PKNOX2: variants seen among roughly 807,000 people sequenced by gnomAD.
The protein encoded by PKNOX2 is homeobox protein PKNOX2.
In PKNOX2, 14 loss-of-function variants were observed where a neutral mutation model predicts 53.1. That is an observed-to-expected ratio of 0.26 (90% CI 0.17 to 0.41). PKNOX2 has a LOEUF of 0.41. Ranked by LOEUF, PKNOX2 falls within the 10% of genes least tolerant of loss-of-function variation. PKNOX2 has a pLI of 1.00. For synonymous variants in PKNOX2, 257 were observed against 242.8 expected (o/e 1.06, Z -0.54); for missense variants, 496 against 602.8 (o/e 0.82, Z 1.85).
At chr11:125,314,218 G>A (rs1001924172) in intron 2 of PKNOX2, among the ~76,000 whole-genome samples, 2 of 152,082 alleles carry the variant, frequency 1.3e-5, no homozygotes, top group South Asian at 2.1e-4. Context: ...TCAGCTCGTC[G>A]TGAATCACCA....
chr11:125,416,397 G>A (rs985586815), intron 10 of PKNOX2, among the ~76,000 whole-genome samples: 26 of 145,454 alleles, frequency 1.8e-4, no homozygotes, highest in Admixed American at 1.6e-3. Flanking sequence ...TTTTTATTAT[G>A]TATTCCAATC....
At chr11:125,281,868 T>C (rs1946582331) in intron 2 of PKNOX2, among the ~76,000 whole-genome samples, 1 of 152,188 alleles carries the variant, frequency 6.6e-6, no homozygotes, top group Non-Finnish European at 1.5e-5. Flanking sequence ...TTAGATCAAC[T>C]CAGCCCTCTG....
chr11:125,311,004 G>A (rs1948768878), intron 2 of PKNOX2, among the ~76,000 whole-genome samples: 1 of 152,044 alleles, frequency 6.6e-6, no homozygotes, highest in Admixed American at 6.6e-5. Context: ...TAAGAGAACA[G>A]GGAGAGAATG....
intron 2 of PKNOX2, among the ~76,000 whole-genome samples, chr11:125,304,652 C>T (rs140104575): frequency 6.6e-6 from 1 of 152,332 alleles, no homozygotes; most frequent in African/African-American, 2.4e-5. Context: ...ACTTGAAAAG[C>T]CCATAAGCCC....
intron 2 of PKNOX2, among the ~76,000 whole-genome samples, chr11:125,302,246 G>A (rs1565491841): frequency 6.6e-6 from 1 of 152,210 alleles, no homozygotes; most frequent in Admixed American, 6.5e-5. Flanking sequence ...TAAATTGAAA[G>A]GCCACATTCA....
intron 2 of PKNOX2, among the ~76,000 whole-genome samples, chr11:125,294,806 T>C (rs1344436902): frequency 6.6e-6 from 1 of 152,186 alleles, no homozygotes; most frequent in Non-Finnish European, 1.5e-5. Flanking sequence ...TTACATGAGA[T>C]GAAAAACAGC....
rs562776910 is a variant in PKNOX2 at position 125,217,376 on chromosome 11, G to A, written c.-200-17669G>A. ...AACATGAGACAAGGAAAAGAACTCA[G>A]GCAGGAGCCCAGTGGGGCTGGGTTC... On this transcript the variant is annotated intron_variant, in intron 1 of 12. Coordinates refer to ENST00000298282, the MANE Select transcript of PKNOX2 (RefSeq NM_001382323.2). 5.1e-4 allele frequency among the ~76,000 whole-genome samples: 77 copies of A among 152,318 alleles called. No homozygotes were observed. The South Asian group carries it at 0.011, about 21-fold the overall frequency.
At position 125,397,952 on chromosome 11, in the gene PKNOX2, A is replaced by T; in HGVS notation, c.478A>T (p.Asn160Tyr). 1 of 1,614,098 alleles carries T rather than the reference A, an allele frequency of 6.2e-7. No individual in the cohort carries two copies. The highest frequency in any genetic ancestry group is 8.5e-7 in the Non-Finnish European group (1 of 1,179,980). The change falls in exon 7 of 13, where the codon AAC becomes TAC. Residue 160 changes from asparagine (N) to tyrosine (Y), a missense_variant. Transcript: ENST00000298282. The part of the protein sequence containing the change: ...KVNELCKDFC[N>Y]RYITCLKTKM... Reference sequence around the variant, plus strand: ...CAATGAACTCTGCAAGGACTTTTGTAACCGTTACATCACCTGCCTCAAAAC... The same window carrying T: ...CAATGAACTCTGCAAGGACTTTTGTTACCGTTACATCACCTGCCTCAAAAC...
At chr11:125,324,555 G>A (rs536468842) in intron 2 of PKNOX2, among the ~76,000 whole-genome samples, 2 of 152,254 alleles carry the variant, frequency 1.3e-5, no homozygotes, top group South Asian at 2.1e-4. Context: ...GTACCCAGAC[G>A]ATCACAATGT....
intron 2 of PKNOX2, among the ~76,000 whole-genome samples, chr11:125,247,200 C>A (rs1215984152): frequency 6.6e-6 from 1 of 152,188 alleles, no homozygotes; most frequent in Non-Finnish European, 1.5e-5. Context: ...TTCTGTACCC[C>A]TTTGTTCCTC....
At chr11:125,181,996 T>TACTAC (rs756786983) in intron 1 of PKNOX2, among the ~76,000 whole-genome samples, 5 of 152,210 alleles carry the variant, frequency 3.3e-5, no homozygotes, top group Non-Finnish European at 7.3e-5. Flanking sequence ...TTTTGTTGAT[T>TACTAC]GTGTGACCTG....
At chr11:125,340,218 C>T (rs933427830) in intron 3 of PKNOX2, among the ~76,000 whole-genome samples, 2 of 152,156 alleles carry the variant, frequency 1.3e-5, no homozygotes. Flanking sequence ...AGCCCAGGCT[C>T]GGCAACACAG....
chr11:125,377,734 A>C (rs1393786570), intron 5 of PKNOX2, among the ~76,000 whole-genome samples: 1 of 152,248 alleles, frequency 6.6e-6, no homozygotes, highest in East Asian at 1.9e-4. Context: ...TAATACTAAC[A>C]ATAGCTGATG....
intron 2 of PKNOX2, among the ~76,000 whole-genome samples, chr11:125,269,422 G>A (rs558401334): frequency 1.3e-5 from 2 of 152,180 alleles, no homozygotes; most frequent in Admixed American, 6.5e-5. Flanking sequence ...CACATCCTAT[G>A]CAAAATATAT....
intron 2 of PKNOX2, among the ~76,000 whole-genome samples, chr11:125,320,098 G>A (rs1217649876): frequency 1.3e-5 from 2 of 152,176 alleles, no homozygotes; most frequent in African/African-American, 4.8e-5. Flanking sequence ...TGTTAAATGG[G>A]TCCTCATATC....
chr11:125,265,846 T>C (rs955384651), intron 2 of PKNOX2, among the ~76,000 whole-genome samples: 3 of 152,072 alleles, frequency 2.0e-5, no homozygotes, highest in African/African-American at 7.3e-5. Flanking sequence ...TAAAGAGGAA[T>C]AGGCGTTCCT....
chr11:125,207,847 A>G (rs1362734187), intron 1 of PKNOX2, among the ~76,000 whole-genome samples: 1 of 152,062 alleles, frequency 6.6e-6, no homozygotes, highest in Non-Finnish European at 1.5e-5. Flanking sequence ...GTTGTCAGCC[A>G]TCAGTAAGCA....
intron 2 of PKNOX2, among the ~76,000 whole-genome samples, chr11:125,241,189 C>T (rs1229011911): frequency 1.3e-5 from 2 of 152,204 alleles, no homozygotes; most frequent in Non-Finnish European, 2.9e-5. Context: ...CTCCCCATCC[C>T]TGTAAATACA....
intron 7 of PKNOX2, among the ~76,000 whole-genome samples, chr11:125,409,469 G>A (rs1955351284): frequency 6.6e-6 from 1 of 152,188 alleles, no homozygotes. Context: ...ATGTGCCGAA[G>A]GTGGCTGAGG....
Sources: allele counts gnomAD v4.1 joint callset (sites outside exome capture counted in the v4.1 genomes callset), GRCh38; gene constraint gnomAD v4.1.1; transcripts MANE v1.5; gene names NCBI Gene and HGNC (gene_info 2026-07-23, HGNC 2026-07-21).